FAF1: variants seen among roughly 807,000 people sequenced by gnomAD.
The protein encoded by FAF1 is FAS-associated factor 1.
A neutral mutation model predicts 92.5 loss-of-function variants in FAF1; 25 were observed. The ratio of observed to expected loss-of-function variants is 0.27; its 90% confidence interval spans 0.20 to 0.38. The LOEUF is 0.38. Among genes scored for constraint, FAF1 ranks in the 10% least tolerant of loss-of-function variants. The pLI is 1.00. For synonymous variants in FAF1, 234 were observed against 273.2 expected (o/e 0.86, Z 1.42); for missense variants, 636 against 793.3 (o/e 0.80, Z 2.38).
rs573750238 is a variant in FAF1, at chr1:50,830,160, C to CA, written c.114+27768dup. The stretch of plus-strand genomic sequence containing the variant: ...TGAGACAGAGTCTTGCTGTGTTGCC[C>CA]AAGGTGGAGTGCAGTGGCATGATCT... On this transcript the variant is annotated intron_variant, in intron 2 of 18. Coordinates refer to ENST00000396153, the MANE Select transcript of FAF1 (RefSeq NM_007051.3). 5.1e-4 allele frequency among the ~76,000 whole-genome samples: 77 copies of CA among 152,178 alleles called. No individual in the cohort carries two copies. The South Asian group carries it at 0.016, about 31-fold the overall frequency.
intron 8 of FAF1, among the ~76,000 whole-genome samples, chr1:50,603,248 A>G (rs1400104285): frequency 6.6e-6 from 1 of 152,228 alleles, no homozygotes; most frequent in East Asian, 1.9e-4. Flanking sequence ...AGTGCTTAAC[A>G]TATGTCTACC....
chr1:50,947,571 G>A (rs1184783698), intron 1 of FAF1, among the ~76,000 whole-genome samples: 2 of 152,212 alleles, frequency 1.3e-5, no homozygotes, highest in Non-Finnish European at 2.9e-5. Flanking sequence ...TAAAATGTAT[G>A]CCTTAAAATC....
chr1:50,601,718 CTATA>C (rs774335535), intron 8 of FAF1, among the ~76,000 whole-genome samples: 2 of 145,418 alleles, frequency 1.4e-5, no homozygotes, highest in Non-Finnish European at 3.0e-5. Flanking sequence ...CACACACACA[CTATA>C]TATATTCATA....
intron 15 of FAF1, among the ~76,000 whole-genome samples, chr1:50,526,826 C>T (rs1003099814): frequency 6.6e-6 from 1 of 151,950 alleles, no homozygotes; most frequent in African/African-American, 2.4e-5. Context: ...GATGTCTCCA[C>T]ATCCTTGCTA....
At chr1:50,890,273 T>C (rs1322473291) in intron 1 of FAF1, among the ~76,000 whole-genome samples, 1 of 152,144 alleles carries the variant, frequency 6.6e-6, no homozygotes, top group Non-Finnish European at 1.5e-5. Flanking sequence ...GTGAGATGGG[T>C]TTCCTGAATA....
chr1:50,893,158 A>G (rs921883548), intron 1 of FAF1, among the ~76,000 whole-genome samples: 2 of 152,166 alleles, frequency 1.3e-5, no homozygotes, highest in African/African-American at 4.8e-5. Flanking sequence ...AAAAGGTCAC[A>G]TATCTGTTTC....
intron 7 of FAF1, among the ~76,000 whole-genome samples, chr1:50,697,698 T>C (rs1411008111): frequency 6.6e-6 from 1 of 152,174 alleles, no homozygotes. Flanking sequence ...AGTACTCTAC[T>C]GTCTGGTCAC....
chr1:50,891,055 A>T (rs1644715764), intron 1 of FAF1, among the ~76,000 whole-genome samples: 1 of 152,106 alleles, frequency 6.6e-6, no homozygotes, highest in Non-Finnish European at 1.5e-5. Context: ...GACTTTGTTC[A>T]TTTATTTTTA....
rs36053834 is a variant in FAF1 at position 50,621,391 on chromosome 1, C to CTTT, written c.745-25178_745-25176dup. Among the ~76,000 whole-genome samples the CTTT allele has an allele frequency of 1.2e-3, 111 of 89,228 alleles. 7 individuals are homozygous for CTTT. The highest frequency in any genetic ancestry group is 3.1e-3 in the African/African-American group (66 of 21,400). The allele number at this position is 89,228 out of a possible 152,430, so 58.5% of individuals were successfully genotyped here. ...AGTTAGCCCCGATCTTTCTTTTTTTCTTTTTTTTTTTTTTTTTTTTTTTTT... is the reference window on the plus strand; with the variant it reads ...AGTTAGCCCCGATCTTTCTTTTTTTCTTTTTTTTTTTTTTTTTTTTTTTTTTTT... On this transcript the variant is annotated intron_variant, in intron 8 of 18. Coordinates refer to ENST00000396153, the MANE Select transcript of FAF1 (RefSeq NM_007051.3).
intron 8 of FAF1, among the ~76,000 whole-genome samples, chr1:50,630,703 G>A (rs571381047): frequency 6.6e-6 from 1 of 151,738 alleles, no homozygotes; most frequent in East Asian, 1.9e-4. Flanking sequence ...GATAACCACA[G>A]TATTGAAAAG....
chr1:50,888,778 G>C (rs145465698), intron 1 of FAF1, among the ~76,000 whole-genome samples: 4,607 of 152,186 alleles, frequency 0.03, 246 homozygotes, highest in African/African-American at 0.11. Flanking sequence ...GTATTTTATT[G>C]AGGATTTTTG....
At chr1:50,837,890 T>C (rs537642388) in intron 2 of FAF1, among the ~76,000 whole-genome samples, 14 of 152,122 alleles carry the variant, frequency 9.2e-5, no homozygotes, top group African/African-American at 3.4e-4. Flanking sequence ...ACTACAGGCG[T>C]GTGACACCAT....
intron 15 of FAF1, 128 bp from the exon 16 acceptor site, chr1:50,491,929 T>C: frequency 1.5e-6 from 1 of 648,262 alleles, no homozygotes; most frequent in African/African-American, 1.8e-5. Context: ...ACTTTTAAAG[T>C]GTATAGGACA....
chr1:50,674,716 A>G (rs1656042667), intron 7 of FAF1, among the ~76,000 whole-genome samples: 1 of 152,102 alleles, frequency 6.6e-6, no homozygotes, highest in Non-Finnish European at 1.5e-5. Flanking sequence ...CAGCCTGGCA[A>G]TCATAGCCAA....
chr1:50,846,034 G>A (rs914245864), intron 2 of FAF1, among the ~76,000 whole-genome samples: 1 of 152,024 alleles, frequency 6.6e-6, no homozygotes, highest in African/African-American at 2.4e-5. Flanking sequence ...TGAGGTAGGA[G>A]AATCACTTGA....
At chr1:50,561,526 A>G (rs371447975) in intron 13 of FAF1, among the ~76,000 whole-genome samples, 3 of 152,098 alleles carry the variant, frequency 2.0e-5, no homozygotes, top group Middle Eastern at 3.4e-3. Flanking sequence ...TATAGTACTT[A>G]CTCTTTAAAA....
intron 1 of FAF1, among the ~76,000 whole-genome samples, chr1:50,939,323 G>T (rs1327742590): frequency 1.3e-5 from 2 of 152,050 alleles, no homozygotes; most frequent in Non-Finnish European, 2.9e-5. Flanking sequence ...ATTCTTTGTG[G>T]CTATTGTAAA....
At chr1:50,759,231 T>C (rs1054682992) in intron 4 of FAF1, among the ~76,000 whole-genome samples, 1 of 151,862 alleles carries the variant, frequency 6.6e-6, no homozygotes, top group South Asian at 2.1e-4. Context: ...ACATGTGCCA[T>C]GCTGGTGTGC....
chr1:50,451,215 G>A (rs113620896), intron 18 of FAF1, among the ~76,000 whole-genome samples: 158 of 152,296 alleles, frequency 1.0e-3, no homozygotes, highest in African/African-American at 3.6e-3. Context: ...AAAATTAAAG[G>A]AAGAACAAGG....
Sources: allele counts gnomAD v4.1 joint callset (sites outside exome capture counted in the v4.1 genomes callset), GRCh38; gene constraint gnomAD v4.1.1; transcripts MANE v1.5; gene names NCBI Gene and HGNC (gene_info 2026-07-23, HGNC 2026-07-21).